The following GLYATL2 variants were observed in gnomAD, a reference collection of about 807,000 sequenced individuals.
GLYATL2 encodes the protein glycine N-acyltransferase-like protein 2.
GLYATL2 carries 25 observed loss-of-function variants against 21.4 expected under a neutral mutation model. The observed-to-expected ratio is 1.17, with a 90% CI of 0.85 to 1.63. The LOEUF (loss-of-function observed/expected upper bound fraction) is 1.63. Ranked by LOEUF, GLYATL2 falls within the 40% of genes most tolerant of loss-of-function variation. GLYATL2 has a pLI of 0.00. For synonymous variants in GLYATL2, 114 were observed against 118.2 expected (o/e 0.96, Z 0.23); for missense variants, 361 against 343.3 (o/e 1.05, Z -0.41).
intron 1 of GLYATL2, among the ~76,000 whole-genome samples, chr11:58,880,369 G>A (rs940555671): frequency 4.6e-5 from 7 of 152,156 alleles, no homozygotes; most frequent in South Asian, 2.1e-4. Context: ...GGATGGAGTA[G>A]GGAATGGATA....
At chr11:58,868,655 T>G (rs1854059818) in intron 1 of GLYATL2, among the ~76,000 whole-genome samples, 1 of 149,080 alleles carries the variant, frequency 6.7e-6, no homozygotes, top group Non-Finnish European at 1.5e-5. Context: ...AGGAACACTT[T>G]GGCTTGGCGG....
intron 1 of GLYATL2, among the ~76,000 whole-genome samples, chr11:58,889,934 C>T (rs1174092918): frequency 2.0e-5 from 3 of 151,970 alleles, no homozygotes; most frequent in Non-Finnish European, 2.9e-5. Flanking sequence ...CTGATTTTGG[C>T]TACTTTTTAT....
chr11:58,850,736 A>G (rs1441729985), intron 1 of GLYATL2, among the ~76,000 whole-genome samples: 4 of 152,070 alleles, frequency 2.6e-5, no homozygotes, highest in African/African-American at 4.8e-5. Flanking sequence ...TTAGCAGACC[A>G]GGAAAGGGAG....
intron 1 of GLYATL2, among the ~76,000 whole-genome samples, chr11:58,859,416 CAG>C (rs756614655): frequency 6.6e-5 from 10 of 151,178 alleles, no homozygotes; most frequent in African/African-American, 9.7e-5. Flanking sequence ...AAAAAAAACT[CAG>C]AGAGAGAGAG....
At chr11:58,864,521 G>A (rs1853990375) in intron 1 of GLYATL2, among the ~76,000 whole-genome samples, 1 of 148,982 alleles carries the variant, frequency 6.7e-6, no homozygotes, top group Non-Finnish European at 1.5e-5. Context: ...CTGTGTTTTT[G>A]GTCCAAACCA....
intron 1 of GLYATL2, among the ~76,000 whole-genome samples, chr11:58,876,761 G>T (rs1854241565): frequency 6.6e-6 from 1 of 152,240 alleles, no homozygotes; most frequent in Non-Finnish European, 1.5e-5. Flanking sequence ...GAGGCAGTCT[G>T]CCCGTTCTCA....
chr11:58,836,918 C>CTCGGTGGTCGCCGT, intron 5 of GLYATL2, 97 bp downstream of exon 5: 1 of 1,048,792 alleles, frequency 9.5e-7, no homozygotes, highest in Non-Finnish European at 1.4e-6. Flanking sequence ...TGTAGCCCAT[C>CTCGGTGGTCGCCGT]ATAATTTAGT....
intron 1 of GLYATL2, among the ~76,000 whole-genome samples, chr11:58,859,020 A>C (rs529185611): frequency 1.3e-5 from 2 of 152,292 alleles, no homozygotes; most frequent in East Asian, 3.9e-4. Flanking sequence ...TGGGAGCTTT[A>C]AGTCAAAAAC....
intron 1 of GLYATL2, among the ~76,000 whole-genome samples, chr11:58,853,994 T>A (rs1348379302): frequency 3.3e-5 from 5 of 152,184 alleles, no homozygotes; most frequent in Non-Finnish European, 7.4e-5. Flanking sequence ...ACCACCATTA[T>A]ACTCTCTGCT....
intron 1 of GLYATL2, among the ~76,000 whole-genome samples, chr11:58,903,418 A>T (rs1023492392): frequency 2.0e-5 from 3 of 152,068 alleles, no homozygotes; most frequent in Admixed American, 6.6e-5. Flanking sequence ...CATATCTGTA[A>T]CCACAGCACA....
chr11:58,893,676 T>C (rs769035370), intron 1 of GLYATL2, among the ~76,000 whole-genome samples: 4 of 152,158 alleles, frequency 2.6e-5, no homozygotes, highest in Non-Finnish European at 4.4e-5. Context: ...AGTCTTTGAA[T>C]ATGCATAAGT....
intron 1 of GLYATL2, among the ~76,000 whole-genome samples, chr11:58,864,127 A>G (rs1853982001): frequency 6.6e-6 from 1 of 152,226 alleles, no homozygotes; most frequent in South Asian, 2.1e-4. Flanking sequence ...CACGGGGGCT[A>G]GCCTGGCGCT....
chr11:58,889,270 G>A (rs1438527338), intron 1 of GLYATL2, among the ~76,000 whole-genome samples: 1 of 151,728 alleles, frequency 6.6e-6, no homozygotes, highest in Non-Finnish European at 1.5e-5. Context: ...GTGTGTGGGG[G>A]TGTTATTTGT....
chr11:58,886,282 A>C (rs765017411), intron 1 of GLYATL2, among the ~76,000 whole-genome samples: 1 of 152,220 alleles, frequency 6.6e-6, no homozygotes, highest in African/African-American at 2.4e-5. Context: ...CTGTGTGTCA[A>C]CTATATGGAA....
intron 1 of GLYATL2, among the ~76,000 whole-genome samples, chr11:58,895,949 G>A (rs1210906162): frequency 6.6e-6 from 1 of 151,806 alleles, no homozygotes; most frequent in Non-Finnish European, 1.5e-5. Context: ...TGCCTCCCAG[G>A]TTCAAGCAAT....
At chr11:58,886,763 T>TG (rs1854448682) in intron 1 of GLYATL2, among the ~76,000 whole-genome samples, 1 of 152,202 alleles carries the variant, frequency 6.6e-6, no homozygotes, top group South Asian at 2.1e-4. Flanking sequence ...GTTAGTGAAC[T>TG]GAAGCCTCAT....
chr11:58,906,781 T>A (rs535428385), upstream of GLYATL2, among the ~76,000 whole-genome samples: 2 of 152,342 alleles, frequency 1.3e-5, no homozygotes, highest in South Asian at 4.1e-4. Context: ...AAGCACAGGT[T>A]ACCTTCATAG....
At chr11:58,901,118 C>T (rs1854732428) in intron 1 of GLYATL2, among the ~76,000 whole-genome samples, 1 of 152,286 alleles carries the variant, frequency 6.6e-6, no homozygotes, top group Admixed American at 6.5e-5. Context: ...GCTGCCTGCG[C>T]GGATCCTTTT....
intron 1 of GLYATL2, among the ~76,000 whole-genome samples, chr11:58,902,868 C>T (rs796336223): frequency 2.6e-5 from 4 of 152,330 alleles, no homozygotes; most frequent in Admixed American, 1.3e-4. Flanking sequence ...GAAAGTGAGG[C>T]TTCCTTGGTG....
Sources: gnomAD v4.1 joint callset for allele counts (sites outside exome capture counted in the v4.1 genomes callset) on GRCh38, gnomAD v4.1.1 for gene constraint, MANE v1.5 for transcripts, NCBI Gene and HGNC (gene_info 2026-07-23, HGNC 2026-07-21) for gene names.